LMX1B: variants seen among roughly 807,000 people sequenced by gnomAD.
The protein encoded by LMX1B is LIM homeobox transcription factor 1 beta.
LMX1B carries 12 observed loss-of-function variants against 51.4 expected under a neutral mutation model. The ratio of observed to expected loss-of-function variants is 0.23; its 90% CI spans 0.15 to 0.38. The LOEUF is 0.38. LMX1B is among the 10% of genes least tolerant of loss of function. The probability of loss-of-function intolerance (pLI) is 1.00; values close to 1 mark genes in which losing one functional copy is unlikely to be tolerated. For synonymous variants in LMX1B, 237 were observed against 235.4 expected, an observed-to-expected ratio of 1.01 and a Z score of -0.06; for missense variants, 445 against 571.1, an observed-to-expected ratio of 0.78 and a Z score of 2.25.
In LMX1B at chr9:126,696,285, G is replaced by A. The variant is rs1001363712; in HGVS notation, c.1052-9G>A. The A allele has an allele frequency of 6.2e-7, 1 of 1,612,274 alleles. No homozygotes were observed. The highest frequency in any genetic ancestry group is 8.5e-7 in the Non-Finnish European group (1 of 1,179,184). On this transcript the variant is annotated splice_polypyrimidine_tract_variant and intron_variant, in intron 7 of 7. Transcript: ENST00000373474. ...GTACCCCGGTCCTGACACCCCTTCTGCCCCCCAGGGAACGACTCCATCTTC... is the reference window on the plus strand; with the variant it reads ...GTACCCCGGTCCTGACACCCCTTCTACCCCCCAGGGAACGACTCCATCTTC...
At chr9:126,665,225 C>G (rs751568957) in intron 2 of LMX1B, among the ~76,000 whole-genome samples, 3 of 152,240 alleles carry the variant, frequency 2.0e-5, no homozygotes, top group Non-Finnish European at 4.4e-5. Flanking sequence ...GGTCCCCCTC[C>G]TCCACGGTCC....
At chr9:126,666,019 C>G (rs552067016) in intron 2 of LMX1B, among the ~76,000 whole-genome samples, 1 of 152,246 alleles carries the variant, frequency 6.6e-6, no homozygotes, top group East Asian at 1.9e-4. Flanking sequence ...CAGAGGTTCC[C>G]GAGCTAGGCG....
intron 3 of LMX1B, among the ~76,000 whole-genome samples, chr9:126,691,634 G>A (rs1312285937): frequency 6.6e-6 from 1 of 151,486 alleles, no homozygotes. Context: ...TCTCTGCCTT[G>A]ATGGCCCCCC....
At chr9:126,623,300 G>A (rs1299729336) in intron 2 of LMX1B, among the ~76,000 whole-genome samples, 1 of 152,194 alleles carries the variant, frequency 6.6e-6, no homozygotes, top group Admixed American at 6.5e-5. Flanking sequence ...ACTGAGACAC[G>A]TAGGTCCCAT....
chr9:126,655,785 A>C (rs1341847746), intron 2 of LMX1B, among the ~76,000 whole-genome samples: 1 of 152,216 alleles, frequency 6.6e-6, no homozygotes, highest in Non-Finnish European at 1.5e-5. Context: ...TGTACAATTC[A>C]GTGGTTTTTA....
chr9:126,692,487 C>T (rs1021127053), intron 3 of LMX1B, among the ~76,000 whole-genome samples: 3 of 152,196 alleles, frequency 2.0e-5, no homozygotes, highest in Non-Finnish European at 2.9e-5. Flanking sequence ...TGCTTCCGCA[C>T]GCTGTGTGTG....
chr9:126,689,597 G>T (rs372709049), intron 2 of LMX1B, among the ~76,000 whole-genome samples: 3 of 152,228 alleles, frequency 2.0e-5, no homozygotes, highest in African/African-American at 4.8e-5. Flanking sequence ...GTGACAGGGT[G>T]GGGGAGTGTC....
intron 2 of LMX1B, among the ~76,000 whole-genome samples, chr9:126,633,723 A>G (rs1835669315): frequency 6.6e-6 from 1 of 152,216 alleles, no homozygotes; most frequent in Admixed American, 6.5e-5. Context: ...GTTATACAGC[A>G]CGCACATAAT....
chr9:126,637,840 C>T (rs1372759852), intron 2 of LMX1B, among the ~76,000 whole-genome samples: 6 of 146,454 alleles, frequency 4.1e-5, no homozygotes, highest in Admixed American at 2.7e-4. Flanking sequence ...CCCCGCCCCC[C>T]GCTCTCTGTA....
At chr9:126,649,154 C>T (rs147717106) in intron 2 of LMX1B, among the ~76,000 whole-genome samples, 252 of 152,196 alleles carry the variant, frequency 1.7e-3, no homozygotes, top group African/African-American at 5.8e-3. Flanking sequence ...CTGTCCCCTT[C>T]TCTCCGTCCC....
chr9:126,680,975 C>T (rs940910609), intron 2 of LMX1B, among the ~76,000 whole-genome samples: 2 of 152,108 alleles, frequency 1.3e-5, no homozygotes, highest in African/African-American at 4.8e-5. Context: ...CCACCTCCTA[C>T]CTGCACCTGA....
At chr9:126,669,820 C>T (rs1292030338) in intron 2 of LMX1B, among the ~76,000 whole-genome samples, 1 of 152,122 alleles carries the variant, frequency 6.6e-6, no homozygotes, top group Non-Finnish European at 1.5e-5. Flanking sequence ...GCCCAAAGTT[C>T]CTCAGGATCT....
chr9:126,688,270 T>C (rs1440097440), intron 2 of LMX1B, among the ~76,000 whole-genome samples: 1 of 152,250 alleles, frequency 6.6e-6, no homozygotes, highest in Non-Finnish European at 1.5e-5. Flanking sequence ...GCGGCTGTTC[T>C]GAGCACAGCC....
At chr9:126,657,159 A>G (rs1836133417) in intron 2 of LMX1B, among the ~76,000 whole-genome samples, 1 of 152,260 alleles carries the variant, frequency 6.6e-6, no homozygotes, top group Non-Finnish European at 1.5e-5. Flanking sequence ...AAGTAAAATA[A>G]GTGAGAACTG....
chr9:126,661,065 T>C (rs930697357), intron 2 of LMX1B, among the ~76,000 whole-genome samples: 6 of 152,086 alleles, frequency 3.9e-5, no homozygotes, highest in Non-Finnish European at 2.9e-5. Flanking sequence ...GAATGGAAAT[T>C]TGGAAAACAT....
rs2029924041 is a variant in LMX1B, at chr9:126,687,128, G to T, written c.327-3708G>T. ...CGAACAAAAGAAATGTGGGGTACCTGGAGTACCTTCTTCATGCCAGCATGG... is the reference window on the plus strand; with the variant it reads ...CGAACAAAAGAAATGTGGGGTACCTTGAGTACCTTCTTCATGCCAGCATGG... On this transcript the variant is annotated intron_variant, in intron 2 of 7. Transcript: ENST00000373474. Among the ~76,000 whole-genome samples the T allele has an allele frequency of 3.9e-5, 6 of 152,244 alleles. No individual in the cohort carries two copies. The South Asian group carries it at 1.2e-3, about 32-fold the overall frequency.
intron 2 of LMX1B, among the ~76,000 whole-genome samples, chr9:126,688,371 G>T (rs192758565): frequency 1.3e-5 from 2 of 152,324 alleles, no homozygotes; most frequent in Non-Finnish European, 2.9e-5. Context: ...GTCACCCAAG[G>T]TGTGCTGACC....
At position 126,682,081 on chromosome 9, in the gene LMX1B, GT is replaced by G. The variant is rs1479727784; in HGVS notation, c.327-8754del. Reference sequence around the variant, plus strand: ...TACTTGCAGATACTTGGTCCCCAGGGTCTTTTTTTTTTTTTTTTTTTTTTTT... The same window carrying G: ...TACTTGCAGATACTTGGTCCCCAGGGCTTTTTTTTTTTTTTTTTTTTTTTT... On this transcript the variant is annotated intron_variant, in intron 2 of 7. Coordinates refer to ENST00000373474, the MANE Select transcript of LMX1B (RefSeq NM_001174147.2). 2.9e-3 allele frequency among the ~76,000 whole-genome samples: 232 copies of G among 81,280 alleles called. 2 individuals carry two copies. Among genetic ancestry groups the G allele is most frequent in the African/African-American group, 0.012 (218 of 18,062 alleles). 53.3% of individuals were successfully genotyped at this position (81,280 alleles called of 152,430 possible).
In LMX1B at chr9:126,673,904, G is replaced by T. The variant is rs1836507223; in HGVS notation, c.327-16932G>T. Reference sequence around the variant, plus strand: ...AAACAGCCGCTGCCCTGTCCTCTCTGCGGCCGTGGCCAGGTACACAGGCCT... The same window carrying T: ...AAACAGCCGCTGCCCTGTCCTCTCTTCGGCCGTGGCCAGGTACACAGGCCT... On this transcript the variant is annotated intron_variant, in intron 2 of 7. Transcript: ENST00000373474. This position sits in a 1 kb window ranked among gnomAD's most constrained non-coding sequence, Gnocchi z 4.4. Among the ~76,000 whole-genome samples the T allele has an allele frequency of 6.6e-6, 1 of 152,202 alleles. No individual in the cohort carries two copies. Among genetic ancestry groups the T allele is most frequent in the Non-Finnish European group, 1.5e-5 (1 of 68,034 alleles).
Sources: allele counts gnomAD v4.1 joint callset (sites outside exome capture counted in the v4.1 genomes callset), GRCh38; gene constraint gnomAD v4.1.1; non-coding constraint Gnocchi (gnomAD v3.1); transcripts MANE v1.5; gene names NCBI Gene and HGNC (gene_info 2026-07-23, HGNC 2026-07-21).